Variants in GRM8 observed in about 807,000 individuals in gnomAD.
GRM8 encodes the protein glutamate metabotropic receptor 8.
GRM8 carries 47 observed loss-of-function variants against 87.2 expected under a neutral mutation model. That is an observed-to-expected ratio of 0.54 (90% CI 0.43 to 0.69). The LOEUF is 0.69. Among genes scored for constraint, GRM8 ranks in the 30% least tolerant of loss-of-function variants. The probability of loss-of-function intolerance (pLI) is 0.00; values close to 1 mark genes in which losing one functional copy is unlikely to be tolerated. For missense variants in GRM8, 1,019 were observed against 1,139.2 expected (o/e 0.89, Z 1.52); for synonymous variants, 396 against 404.5 (o/e 0.98, Z 0.25).
chr7:126,961,389 A>C (rs1809304747), intron 3 of GRM8, among the ~76,000 whole-genome samples: 1 of 152,188 alleles, frequency 6.6e-6, no homozygotes, highest in African/African-American at 2.4e-5. Context: ...ATTGATTTCC[A>C]TTCTCTTTTC....
chr7:127,029,079 T>G (rs182806265), intron 3 of GRM8, among the ~76,000 whole-genome samples: 5 of 152,338 alleles, frequency 3.3e-5, no homozygotes, highest in South Asian at 4.1e-4. Context: ...ATTTCTGTCT[T>G]CATTTCATTA....
At chr7:127,247,093 G>A (rs898487231) in intron 1 of GRM8, among the ~76,000 whole-genome samples, 1 of 152,190 alleles carries the variant, frequency 6.6e-6, no homozygotes, top group African/African-American at 2.4e-5. Context: ...CTTAGCTCTG[G>A]AAGAACACTA....
chr7:126,944,764 A>G (rs950396668), intron 3 of GRM8, among the ~76,000 whole-genome samples: 73 of 152,216 alleles, frequency 4.8e-4, no homozygotes, highest in Non-Finnish European at 2.8e-4. Flanking sequence ...TACATAAAGA[A>G]CTTACAAAAG....
intron 2 of GRM8, among the ~76,000 whole-genome samples, chr7:127,122,734 A>G (rs1827158880): frequency 6.6e-6 from 1 of 152,184 alleles, no homozygotes; most frequent in Non-Finnish European, 1.5e-5. Context: ...AAGTAGGACA[A>G]CAAGTAGAAT....
intron 3 of GRM8, among the ~76,000 whole-genome samples, chr7:126,934,517 A>G (rs986087012): frequency 1.3e-5 from 2 of 152,210 alleles, no homozygotes; most frequent in African/African-American, 4.8e-5. Flanking sequence ...AAAAAACATT[A>G]AATAGTATGA....
At chr7:127,231,248 GA>G (rs34629865) in intron 2 of GRM8, among the ~76,000 whole-genome samples, 3,834 of 147,882 alleles carry the variant, frequency 0.026, 64 homozygotes, top group South Asian at 0.074. Context: ...CTTGATGGGG[GA>G]AAAAAAAAAG....
At chr7:126,802,744 G>A (rs184835820) in intron 6 of GRM8, among the ~76,000 whole-genome samples, 104 of 152,204 alleles carry the variant, frequency 6.8e-4, no homozygotes, top group Middle Eastern at 3.4e-3. Context: ...ATAAATGGCA[G>A]AATCACTAGA....
intron 7 of GRM8, among the ~76,000 whole-genome samples, chr7:126,735,431 A>G (rs2299504): frequency 6.6e-6 from 1 of 152,098 alleles, no homozygotes; most frequent in Non-Finnish European, 1.5e-5. Flanking sequence ...ATGAAAAATA[A>G]TAACACCCAG....
chr7:126,739,687 T>C (rs550888029), intron 7 of GRM8, among the ~76,000 whole-genome samples: 1 of 151,834 alleles, frequency 6.6e-6, no homozygotes, highest in Admixed American at 6.6e-5. Context: ...TTTTCAGTTA[T>C]TACTAATGCT....
intron 6 of GRM8, among the ~76,000 whole-genome samples, chr7:126,806,790 G>T (rs1792798827): frequency 6.6e-6 from 1 of 152,226 alleles, no homozygotes; most frequent in South Asian, 2.1e-4. Context: ...CCTGCCGGCT[G>T]TGCCGCTGAG....
At chr7:126,917,407 G>GCA (rs144274764) in intron 3 of GRM8, among the ~76,000 whole-genome samples, 7 of 150,022 alleles carry the variant, frequency 4.7e-5, no homozygotes, top group African/African-American at 1.2e-4. Context: ...ACATGGACAC[G>GCA]CACACACACA....
chr7:126,679,992 G>T (rs1168254033), intron 7 of GRM8, among the ~76,000 whole-genome samples: 1 of 151,294 alleles, frequency 6.6e-6, no homozygotes, highest in Admixed American at 6.6e-5. Flanking sequence ...GATTGCTCCA[G>T]TGCACTCCAG....
At chr7:127,200,788 T>C (rs1326687939) in intron 2 of GRM8, among the ~76,000 whole-genome samples, 1 of 152,238 alleles carries the variant, frequency 6.6e-6, no homozygotes. Flanking sequence ...TAATGTGGTA[T>C]GATCTCACCT....
At chr7:126,877,796 T>C (rs1488643113) in intron 6 of GRM8, among the ~76,000 whole-genome samples, 1 of 152,242 alleles carries the variant, frequency 6.6e-6, no homozygotes, top group Non-Finnish European at 1.5e-5. Context: ...TCTGTCATTA[T>C]TGGTGCAAAT....
intron 1 of GRM8, chr7:127,251,233 A>G (rs909306022): frequency 6.6e-6 from 1 of 152,126 alleles, no homozygotes; most frequent in Non-Finnish European, 1.5e-5. Context: ...GGGGGAAGTA[A>G]TTCCCCAGGG....
intron 8 of GRM8, among the ~76,000 whole-genome samples, chr7:126,578,514 C>T (rs544161438): frequency 6.6e-6 from 1 of 152,120 alleles, no homozygotes; most frequent in African/African-American, 2.4e-5. Flanking sequence ...AGGGCAGAGG[C>T]AGCCACAAAG....
At chr7:126,448,197 C>A (rs548227734) in intron 9 of GRM8, among the ~76,000 whole-genome samples, 9 of 151,782 alleles carry the variant, frequency 5.9e-5, no homozygotes, top group Non-Finnish European at 1.3e-4. Flanking sequence ...TGTTCCAATG[C>A]CAGTCAAATA....
At chr7:126,882,081 T>C (rs1226110383) in intron 6 of GRM8, among the ~76,000 whole-genome samples, 1 of 152,190 alleles carries the variant, frequency 6.6e-6, no homozygotes, top group Non-Finnish European at 1.5e-5. Context: ...TTGGATGCCA[T>C]TCCTCTTCCT....
intron 3 of GRM8, among the ~76,000 whole-genome samples, chr7:126,935,492 T>C (rs1346590365): frequency 6.6e-6 from 1 of 152,100 alleles, no homozygotes; most frequent in Non-Finnish European, 1.5e-5. Flanking sequence ...CACAAAACAC[T>C]AGAAAAGTAT....
Sources: gnomAD v4.1 joint callset for allele counts (sites outside exome capture counted in the v4.1 genomes callset) on GRCh38, gnomAD v4.1.1 for gene constraint, MANE v1.5 for transcripts, NCBI Gene and HGNC (gene_info 2026-07-23, HGNC 2026-07-21) for gene names.